The following EFCAB10 variants were observed in gnomAD, a reference collection of about 807,000 sequenced individuals.
EFCAB10 encodes the protein EF-hand calcium-binding domain-containing protein 10.
EFCAB10 carries 7 observed loss-of-function variants against 7.7 expected under a neutral mutation model. That is an observed-to-expected ratio of 0.91 (90% CI 0.52 to 1.72). The LOEUF (loss-of-function observed/expected upper bound fraction) is 1.72, where lower values mean the gene tolerates loss of function less well. EFCAB10 is among the 40% of genes most tolerant of loss of function. The pLI, the probability that EFCAB10 is intolerant of heterozygous loss-of-function variation, is 0.00. For missense variants in EFCAB10, 112 were observed against 61.5 expected, an observed-to-expected ratio of 1.82 and a Z score of -2.74; for synonymous variants, 52 against 21.0, an observed-to-expected ratio of 2.47 and a Z score of -4.03.
At chr7:105,572,971 G>A (rs959150067) in intron 1 of EFCAB10, 5 of 150,454 alleles carry the variant, frequency 3.3e-5, no homozygotes, top group Non-Finnish European at 7.4e-5. Context: ...ATGGAAAAAT[G>A]TCTATCTATG....
chr7:105,568,045 C>T (rs10271614), intron 3 of EFCAB10, among the ~76,000 whole-genome samples: 11,160 of 152,188 alleles, frequency 0.073, 653 homozygotes, highest in East Asian at 0.3. Flanking sequence ...TAGGATTGTT[C>T]TTCATTTCTC....
At position 105,581,348 on chromosome 7, in the gene EFCAB10, G is replaced by A; in HGVS notation, c.106+10C>T. On this transcript the variant is annotated intron_variant, in intron 1 of 4. Transcript: ENST00000480514. ...GAGGTATGGCTGTACCGGGGCATGG[G>A]GGCCCTTACCCGGCCGAAAGAAAAG... 1 of 702,878 alleles carries A rather than the reference G, an allele frequency of 1.4e-6. No homozygotes were observed. The highest frequency in any genetic ancestry group is 2.6e-6 in the Non-Finnish European group (1 of 384,946). 43.5% of individuals were successfully genotyped at this position (702,878 alleles called of 1,614,324 possible).
intron 1 of EFCAB10, among the ~76,000 whole-genome samples, chr7:105,574,934 TAAAA>T (rs1209254689): frequency 9.7e-6 from 1 of 103,566 alleles, no homozygotes; most frequent in Non-Finnish European, 2.1e-5. Context: ...TATCCCTACT[TAAAA>T]AAAAAAAAAA....
chr7:105,580,197 G>C (rs1461443365), intron 1 of EFCAB10, among the ~76,000 whole-genome samples: 1 of 152,046 alleles, frequency 6.6e-6, no homozygotes, highest in African/African-American at 2.4e-5. Context: ...ATGTTGCCCA[G>C]GCTGGTCTAT....
chr7:105,576,310 C>T (rs1309160042), intron 1 of EFCAB10, among the ~76,000 whole-genome samples: 2 of 152,194 alleles, frequency 1.3e-5, no homozygotes, highest in Non-Finnish European at 2.9e-5. Context: ...AACAGCACTG[C>T]ATACATACTC....
chr7:105,571,557 TG>T (rs1321949311), intron 1 of EFCAB10: 1 of 152,224 alleles, frequency 6.6e-6, no homozygotes, highest in Non-Finnish European at 1.5e-5. Context: ...AACACTTTTT[TG>T]GGATGCTCAA....
At chr7:105,570,894 G>A (rs544692379) in intron 1 of EFCAB10, among the ~76,000 whole-genome samples, 12 of 152,128 alleles carry the variant, frequency 7.9e-5, no homozygotes, top group South Asian at 2.1e-4. Flanking sequence ...GCGTGGTGAC[G>A]GGTGCCTGTA....
rs1429014010 is a variant in EFCAB10, at chr7:105,570,260, T to C, written c.107-689A>G. Among the ~76,000 whole-genome samples, 52 of 95,616 alleles carry C rather than the reference T, an allele frequency of 5.4e-4. 1 individual carries two copies. The highest frequency in any genetic ancestry group is 2.3e-3 in the East Asian group (8 of 3,472). 62.7% of individuals were successfully genotyped at this position (95,616 alleles called of 152,430 possible). A position where few individuals can be genotyped will look rare whatever the true frequency, so the allele number is the denominator to read the frequency against. ...AAAAAAATATATATATATATATATA[T>C]ATATATATACACACACACACACATA... On this transcript the variant is annotated intron_variant, in intron 1 of 4. Coordinates refer to ENST00000480514, the MANE Select transcript of EFCAB10 (RefSeq NM_001355526.2).
At chr7:105,565,685 A>C in intron 4 of EFCAB10, 2 of 1,357,252 alleles carry the variant, frequency 1.5e-6, no homozygotes, top group South Asian at 2.4e-5. Flanking sequence ...TTAATGTATC[A>C]AATTGTTACA....
chr7:105,570,464 G>C (rs182769424), intron 1 of EFCAB10, among the ~76,000 whole-genome samples: 16 of 151,598 alleles, frequency 1.1e-4, no homozygotes, highest in Admixed American at 4.6e-4. Context: ...AAATAATGCA[G>C]AACAATCATG....
chr7:105,570,268 T>TATATATATAC (rs1188257284), intron 1 of EFCAB10, among the ~76,000 whole-genome samples: 56 of 66,404 alleles, frequency 8.4e-4, no homozygotes, highest in African/African-American at 2.5e-3. Flanking sequence ...TATATATATA[T>TATATATATAC]ACACACACAC....
At chr7:105,565,519 CTT>C in intron 4 of EFCAB10, 72 bp from the exon 5 acceptor site, 6 of 1,609,802 alleles carry the variant, frequency 3.7e-6, no homozygotes, top group African/African-American at 1.3e-5. Context: ...ATGAATTATT[CTT>C]TGTTTCAGAT....
At chr7:105,568,844 G>T (rs1791859999) in intron 3 of EFCAB10, among the ~76,000 whole-genome samples, 1 of 152,026 alleles carries the variant, frequency 6.6e-6, no homozygotes, top group Non-Finnish European at 1.5e-5. Context: ...CCAGCTACTG[G>T]GAAGCTGAGG....
chr7:105,567,232 T>C lies in EFCAB10; in HGVS notation c.383+235A>G, dbSNP rs1791803926. ...CCTGCCACAGCAGCATTAAATGAAG[T>C]TGGAATTTACAAACTGGCTCAACAA... On this transcript the variant is annotated intron_variant, in intron 4 of 4. Transcript: ENST00000480514. 1.2e-6 allele frequency: 2 copies of C among 1,613,612 alleles called. No individual in the cohort carries two copies. Among genetic ancestry groups the C allele is most frequent in the Admixed American group, 1.7e-5 (1 of 59,878 alleles).
At chr7:105,574,899 C>G (rs896634619) in intron 1 of EFCAB10, among the ~76,000 whole-genome samples, 2 of 145,788 alleles carry the variant, frequency 1.4e-5, no homozygotes, top group Admixed American at 1.4e-4. Context: ...AGTTCAAGAC[C>G]AGCCTGGCCA....
chr7:105,572,161 T>C (rs1791968616), intron 1 of EFCAB10: 1 of 152,222 alleles, frequency 6.6e-6, no homozygotes, highest in Non-Finnish European at 1.5e-5. Flanking sequence ...CTTGAACTTA[T>C]TCCTCTTTTG....
intron 1 of EFCAB10, chr7:105,572,787 C>G (rs933494544): frequency 6.6e-6 from 1 of 152,316 alleles, no homozygotes; most frequent in Admixed American, 6.5e-5. Flanking sequence ...CCTCGGCCTT[C>G]TGAGTAGCTG....
rs1327811097 is a variant in EFCAB10, at chr7:105,570,296, T to C, written c.107-725A>G. On this transcript the variant is annotated intron_variant, in intron 1 of 4. Coordinates refer to ENST00000480514, the MANE Select transcript of EFCAB10 (RefSeq NM_001355526.2). ...ACACACACACACATACATATACACA[T>C]ACACACACACATATATATAAATATA... Among the ~76,000 whole-genome samples, 8 of 115,562 alleles carry C rather than the reference T, an allele frequency of 6.9e-5. 1 individual carries two copies. The highest frequency in any genetic ancestry group is 2.2e-4 in the African/African-American group (7 of 31,700). 75.8% of individuals were successfully genotyped at this position (115,562 alleles called of 152,430 possible).
chr7:105,576,515 T>TA (rs1472537155), intron 1 of EFCAB10, among the ~76,000 whole-genome samples: 1 of 152,150 alleles, frequency 6.6e-6, no homozygotes, highest in Admixed American at 6.5e-5. Context: ...CAATCTCAGC[T>TA]CACTGCAAGC....
Sources: allele counts gnomAD v4.1 joint callset (sites outside exome capture counted in the v4.1 genomes callset), GRCh38; gene constraint gnomAD v4.1.1; transcripts MANE v1.5; gene names NCBI Gene and HGNC (gene_info 2026-07-23, HGNC 2026-07-21).